The following ATP13A3 variants were observed in gnomAD, a reference collection of about 807,000 sequenced individuals.
ATP13A3 encodes the protein ATPase 13A3, also known as polyamine-transporting ATPase 13A3.
In ATP13A3, 59 loss-of-function variants were observed where a neutral mutation model predicts 158.1. The observed-to-expected ratio is 0.37, with a 90% CI of 0.30 to 0.46. The LOEUF (loss-of-function observed/expected upper bound fraction) is 0.46. Among genes scored for constraint, ATP13A3 ranks in the 20% least tolerant of loss-of-function variants. The pLI, the probability that ATP13A3 is intolerant of heterozygous loss-of-function variation, is 1.00. For missense variants in ATP13A3, 1,166 were observed against 1,525.2 expected (o/e 0.76, Z 3.92); for synonymous variants, 491 against 504.3 (o/e 0.97, Z 0.35).
chr3:194,448,754 T>C lies in ATP13A3; in HGVS notation c.971-118A>G. 9.5e-7 allele frequency: 1 copy of C among 1,050,942 alleles called. No individual in the cohort carries two copies. The highest frequency in any genetic ancestry group is 2.7e-5 in the East Asian group (1 of 37,392). 65.1% of individuals were successfully genotyped at this position (1,050,942 alleles called of 1,614,324 possible). On this transcript the variant is annotated intron_variant, in intron 11 of 33. Coordinates refer to ENST00000645319, the MANE Select transcript of ATP13A3 (RefSeq NM_001367549.1). This position sits in a 1 kb window ranked among gnomAD's most constrained non-coding sequence, Gnocchi z 4.0. Reference sequence around the variant, plus strand: ...TTAAATATTTTAAATGCTACCATACTGTTTACAATAATCACTGAGAGTTGT... The same window carrying C: ...TTAAATATTTTAAATGCTACCATACCGTTTACAATAATCACTGAGAGTTGT...
Position 194,448,579 on chromosome 3 carries a change from C to T in ATP13A3, c.1028G>A (p.Gly343Glu), listed in dbSNP as rs778885372. Residue 343 changes from glycine to glutamate, a missense_variant, in exon 12 of 34, where the codon GGA becomes GAA. This residue lies in a region of ATP13A3 where 997 missense variants were observed against 1,341.2 expected (regional missense o/e 0.74). Coordinates refer to ENST00000645319, the MANE Select transcript of ATP13A3 (RefSeq NM_001367549.1). This position sits in a 1 kb window ranked among gnomAD's most constrained non-coding sequence, Gnocchi z 4.0. Reference protein sequence around the residue: ...NLPNPSVDVKGIGDELYNPET... With the variant: ...NLPNPSVDVKEIGDELYNPET... ...TGGATTATATAATTCATCTCCTATT[C>T]CTTTCACATCCACTGAAGGATTTGG... The T allele has an allele frequency of 6.2e-7, 1 of 1,613,854 alleles. No homozygotes were observed. Among genetic ancestry groups the T allele is most frequent in the Non-Finnish European group, 8.5e-7 (1 of 1,179,942 alleles).
At chr3:194,429,933 T>C in intron 26 of ATP13A3, 139 bp downstream of exon 26, 2 of 953,682 alleles carry the variant, frequency 2.1e-6, no homozygotes, top group Non-Finnish European at 3.2e-6. Context: ...TAGCAATCAA[T>C]CTGTTACTAA....
chr3:194,421,047 A>C (rs561508808), intron 30 of ATP13A3, among the ~76,000 whole-genome samples: 1 of 133,886 alleles, frequency 7.5e-6, no homozygotes, highest in East Asian at 2.1e-4. Context: ...ACTACAGGTA[A>C]ATATTTATCA....
Position 194,417,186 on chromosome 3 carries a change from C to A in ATP13A3, c.3402+2693G>T, listed in dbSNP as rs1263979199. 2.6e-5 allele frequency among the ~76,000 whole-genome samples: 4 copies of A among 152,080 alleles called. No homozygotes were observed. The East Asian group carries it at 7.7e-4, about 29-fold the overall frequency. ...AGCTTAGCTGGGCACAGTGGCTCACCAAGGCAGGGAGCTCACCCGAGGTCA... is the reference window on the plus strand; with the variant it reads ...AGCTTAGCTGGGCACAGTGGCTCACAAAGGCAGGGAGCTCACCCGAGGTCA... On this transcript the variant is annotated intron_variant, in intron 31 of 33. Transcript: ENST00000645319.
At chr3:194,450,325 T>C in intron 10 of ATP13A3, 49 bp from the exon 11 acceptor site, 2 of 1,546,136 alleles carry the variant, frequency 1.3e-6, no homozygotes, top group Non-Finnish European at 1.8e-6. Flanking sequence ...TTCTTTACCT[T>C]GGAAAAATAC....
At chr3:194,410,353 G>A (rs1214886172) in intron 33 of ATP13A3, among the ~76,000 whole-genome samples, 3 of 135,166 alleles carry the variant, frequency 2.2e-5, no homozygotes, top group African/African-American at 8.1e-5. Context: ...GGGATGGCAT[G>A]CACCTGTAGT....
At chr3:194,463,573 C>A (rs1050951460) in intron 2 of ATP13A3, among the ~76,000 whole-genome samples, 3 of 151,998 alleles carry the variant, frequency 2.0e-5, no homozygotes, top group Admixed American at 6.6e-5. Flanking sequence ...GTGTGATAAC[C>A]ACTGCTTTAC....
upstream of ATP13A3, among the ~76,000 whole-genome samples, chr3:194,490,273 C>A (rs1323571885): frequency 6.6e-6 from 1 of 152,192 alleles, no homozygotes; most frequent in Non-Finnish European, 1.5e-5. This position sits in a 1 kb window ranked among gnomAD's most constrained non-coding sequence, Gnocchi z 4.4. Flanking sequence ...AGAGGCAAAG[C>A]CTCCTCCTAA....
At chr3:194,416,067 G>C (rs1350681197) in intron 31 of ATP13A3, among the ~76,000 whole-genome samples, 1 of 152,090 alleles carries the variant, frequency 6.6e-6, no homozygotes, top group Non-Finnish European at 1.5e-5. Context: ...ATTTATTCTA[G>C]AAATGCAAAG....
At chr3:194,451,634 A>T (rs896288973) in intron 10 of ATP13A3, 1 of 152,326 alleles carries the variant, frequency 6.6e-6, no homozygotes, top group Non-Finnish European at 1.5e-5. Flanking sequence ...TCTTGGGTGT[A>T]GTCTGAGTCA....
chr3:194,413,854 C>T lies in ATP13A3; in HGVS notation c.3403-15G>A, dbSNP rs779107474. On this transcript the variant is annotated splice_polypyrimidine_tract_variant and intron_variant, in intron 31 of 33. Transcript: ENST00000645319. ...ACACACACTATCTGTAATGCAAAAA[C>T]ATTTTAAAGTTAAAATTGTTGTATG... The T allele has an allele frequency of 3.1e-6, 5 of 1,602,846 alleles. No individual in the cohort carries two copies. The South Asian group carries it at 5.5e-5, about 18-fold the overall frequency.
chr3:194,432,983 C>A (rs1472544278), intron 21 of ATP13A3, among the ~76,000 whole-genome samples: 3 of 151,964 alleles, frequency 2.0e-5, no homozygotes, highest in Admixed American at 6.6e-5. Flanking sequence ...TAAACAATAT[C>A]TTACATATAA....
rs1226613319 is a variant in ATP13A3, at chr3:194,405,803, A to T, written c.*116T>A. The stretch of plus-strand genomic sequence containing the variant: ...GAGCAAAGCTGTCAAATAAGCTACT[A>T]TATCAGAAGGGACATAAACTGAACT... On this transcript the variant is annotated 3_prime_UTR_variant, in exon 34 of 34. Coordinates refer to ENST00000645319, the MANE Select transcript of ATP13A3 (RefSeq NM_001367549.1). 2 of 1,045,994 alleles carry T rather than the reference A, an allele frequency of 1.9e-6. No individual in the cohort carries two copies. The highest frequency in any genetic ancestry group is 2.5e-4 in the Middle Eastern group (1 of 3,944). The allele number at this position is 1,045,994 out of a possible 1,614,324, so 64.8% of individuals were successfully genotyped here.
chr3:194,412,531 T>C, intron 32 of ATP13A3: 1 of 474,508 alleles, frequency 2.1e-6, no homozygotes, highest in Non-Finnish European at 3.8e-6. Flanking sequence ...ATATGGCTTT[T>C]GTATAAATAG....
In ATP13A3 at chr3:194,459,935, C is replaced by T. The variant is rs189104648; in HGVS notation, c.262G>A (p.Val88Ile). 4.6e-5 allele frequency: 74 copies of T among 1,612,704 alleles called. No individual in the cohort carries two copies. In the African/African-American group the frequency reaches 4.8e-4, roughly 10 times the overall value. ...ACTGGGTAAGTTTCCAAAGAAAGAA[C>T]GCGAATTTTTGCACAAAACCACATT... ...FKMWFCAKIR[V>I]LSLETYPVSS... The change falls in exon 5 of 34, where the codon GTT (valine) becomes ATT (isoleucine). Residue 88 changes from valine (V) to isoleucine (I), a missense_variant. Physicochemically the swap from Val to Ile is conservative, Grantham distance 29 (BLOSUM62 3). Around this residue, in one of 3 missense-constraint regions of ATP13A3, gnomAD observed 104 missense variants for 91.7 expected, o/e 1.13. Transcript: ENST00000645319.
intron 9 of ATP13A3, 120 bp downstream of exon 9, chr3:194,454,138 T>C: frequency 1.9e-6 from 2 of 1,040,576 alleles, no homozygotes; most frequent in Non-Finnish European, 2.7e-6. Context: ...CATATATTCA[T>C]GCAACTAAAA....
intron 2 of ATP13A3, among the ~76,000 whole-genome samples, chr3:194,480,538 A>C (rs1254467846): frequency 6.6e-6 from 1 of 152,230 alleles, no homozygotes; most frequent in East Asian, 1.9e-4. Flanking sequence ...AAAAACACTC[A>C]AAGTAGTTGA....
At chr3:194,446,808 A>G in intron 14 of ATP13A3, 119 bp downstream of exon 14, 1 of 984,854 alleles carries the variant, frequency 1.0e-6, no homozygotes, top group Non-Finnish European at 1.5e-6. Context: ...GGAAAAGGAA[A>G]ATTAGAGGAA....
At chr3:194,471,193 G>C (rs1355091922) in intron 2 of ATP13A3, among the ~76,000 whole-genome samples, 1 of 152,034 alleles carries the variant, frequency 6.6e-6, no homozygotes, top group African/African-American at 2.4e-5. Context: ...CCAGGCAAGA[G>C]AAAGTTGTCA....
Sources: gnomAD v4.1 joint callset for allele counts (sites outside exome capture counted in the v4.1 genomes callset) on GRCh38, gnomAD v4.1.1 for gene constraint, gnomAD v4.1.1 regional missense constraint, Gnocchi (gnomAD v3.1) non-coding constraint, MANE v1.5 for transcripts, NCBI Gene and HGNC (gene_info 2026-07-23, HGNC 2026-07-21) for gene names.